The following DR1 variants were observed in gnomAD, a reference collection of about 807,000 sequenced individuals.
The protein encoded by DR1 is protein Dr1.
DR1 carries 7 observed loss-of-function variants against 19.9 expected under a neutral mutation model. The ratio of observed to expected loss-of-function variants is 0.35; its 90% CI spans 0.20 to 0.66. The LOEUF is 0.66. Ranked by LOEUF, DR1 falls within the 30% of genes least tolerant of loss-of-function variation. The pLI, the probability that DR1 is intolerant of heterozygous loss-of-function variation, is 0.66. For synonymous variants in DR1, 76 were observed against 72.5 expected (o/e 1.05, Z -0.24); for missense variants, 98 against 203.7 (o/e 0.48, Z 3.16).
At position 93,353,887 on chromosome 1, in the gene DR1, T is replaced by G. The variant is rs367737731; in HGVS notation, c.221-21T>G. 1.3e-4 allele frequency: 208 copies of G among 1,575,640 alleles called. 1 individual carries two copies. In the South Asian group the frequency reaches 2.3e-3, roughly 17 times the overall value. On this transcript the variant is annotated intron_variant, in intron 1 of 2. Transcript: ENST00000370272. ...CTGTGTTTTATCACCCTTTCATATT[T>G]TAATATTTTCATTTCTCTAGCACTA...
rs780026411 is a variant in DR1 at position 93,363,621 on chromosome 1, C to CT, written c.*2983dup. On this transcript the variant is annotated 3_prime_UTR_variant, in exon 3 of 3. Coordinates refer to ENST00000370272, the MANE Select transcript of DR1 (RefSeq NM_001938.3). ...TCTGTAGTCAGATCTTTCCCTGCCT[C>CT]TAAGTTTAGGGCTCACCTGCATAAA... 2.6e-5 allele frequency: 4 copies of CT among 152,220 alleles called. No homozygotes were observed. The highest frequency in any genetic ancestry group is 4.4e-5 in the Non-Finnish European group (3 of 68,040). The allele number at this position is 152,220 out of a possible 1,614,324, so 9.4% of individuals were successfully genotyped here. A position where few individuals can be genotyped will look rare whatever the true frequency, so the allele number is the denominator to read the frequency against.
chr1:93,354,812 G>T (rs1239458809), intron 2 of DR1, among the ~76,000 whole-genome samples: 1 of 152,110 alleles, frequency 6.6e-6, no homozygotes, highest in Non-Finnish European at 1.5e-5. Context: ...AATCAGTTTG[G>T]TTTACATCAA....
rs758958546 is a variant in DR1 at position 93,346,641 on chromosome 1, G to A, written c.-5G>A. Reference sequence around the variant, plus strand: ...AAGCCGGGGCGCGAGAAACAGGAAGGTACTATGGCTTCCTCGTCTGGCAAC... The same window carrying A: ...AAGCCGGGGCGCGAGAAACAGGAAGATACTATGGCTTCCTCGTCTGGCAAC... On this transcript the variant is annotated 5_prime_UTR_variant, in exon 1 of 3. Coordinates refer to ENST00000370272, the MANE Select transcript of DR1 (RefSeq NM_001938.3). The A allele has an allele frequency of 2.4e-5, 39 of 1,611,564 alleles. No homozygotes were observed. Among genetic ancestry groups the A allele is most frequent in the Non-Finnish European group, 3.1e-5 (36 of 1,178,300 alleles).
chr1:93,349,545 A>G (rs1358858040), intron 1 of DR1, among the ~76,000 whole-genome samples: 1 of 152,106 alleles, frequency 6.6e-6, no homozygotes, highest in Non-Finnish European at 1.5e-5. Flanking sequence ...ATAATACTTG[A>G]TTTCAGGTAT....
At chr1:93,355,164 C>T (rs1570711395) in intron 2 of DR1, 1 of 151,840 alleles carries the variant, frequency 6.6e-6, no homozygotes, top group East Asian at 1.9e-4. Flanking sequence ...AAGATTTTCT[C>T]CTGGATACTT....
rs1406891852 is a variant in DR1 at position 93,368,214 on chromosome 1, G to C, written c.*7575G>C. ...AAAAATAATAGACATACAGTATGCA[G>C]TATTTTGTTTTACTTATGAAACTCC... On this transcript the variant is annotated 3_prime_UTR_variant, in exon 3 of 3. Transcript: ENST00000370272. The C allele has an allele frequency of 1.3e-5, 2 of 152,166 alleles. No individual in the cohort carries two copies. Among genetic ancestry groups the C allele is most frequent in the Non-Finnish European group, 2.9e-5 (2 of 68,032 alleles). 9.4% of individuals were successfully genotyped at this position (152,166 alleles called of 1,614,324 possible). A position where few individuals can be genotyped will look rare whatever the true frequency, so the allele number is the denominator to read the frequency against.
At position 93,351,489 on chromosome 1, in the gene DR1, G is replaced by A. The variant is rs140448739; in HGVS notation, c.221-2419G>A. Among the ~76,000 whole-genome samples the A allele has an allele frequency of 1.1e-3, 159 of 142,398 alleles. 2 individuals are homozygous for A. The highest frequency in any genetic ancestry group is 3.4e-3 in the African/African-American group (127 of 37,534). The allele number at this position is 142,398 out of a possible 152,430, so 93.4% of individuals were successfully genotyped here. A position where few individuals can be genotyped will look rare whatever the true frequency, so the allele number is the denominator to read the frequency against. On this transcript the variant is annotated intron_variant, in intron 1 of 2. Transcript: ENST00000370272. ...CAGAGTCACGCTGTCAGGCTGGAGT[G>A]CAGTGGTGTGACCTCGGCTCTCTAC...
intron 2 of DR1, among the ~76,000 whole-genome samples, chr1:93,359,872 G>A (rs1298133717): frequency 6.6e-6 from 1 of 152,094 alleles, no homozygotes; most frequent in Non-Finnish European, 1.5e-5. Flanking sequence ...ATATTTGTAT[G>A]TGTGTATATG....
chr1:93,353,094 C>T (rs1369401545), intron 1 of DR1, among the ~76,000 whole-genome samples: 2 of 151,976 alleles, frequency 1.3e-5, no homozygotes, highest in Non-Finnish European at 2.9e-5. Context: ...GAGGTCTTGC[C>T]ATGTTGCCCG....
At chr1:93,348,886 G>A (rs377057178) in intron 1 of DR1, among the ~76,000 whole-genome samples, 4 of 151,914 alleles carry the variant, frequency 2.6e-5, no homozygotes, top group East Asian at 3.8e-4. Flanking sequence ...TTCCAAAGAA[G>A]TTTTGTTTTG....
rs752735135 is a variant in DR1, at chr1:93,353,942, T to C, written c.255T>C (p.Ser85=). 2 of 1,611,140 alleles carry C rather than the reference T, an allele frequency of 1.2e-6. No homozygotes were observed. Among genetic ancestry groups the C allele is most frequent in the Non-Finnish European group, 8.5e-7 (1 of 1,178,834 alleles). Residue 85 remains serine, a synonymous_variant, in exon 2 of 3, where the codon AGT becomes AGC. Transcript: ENST00000370272. ...GTTTGGGATTTGGCTCTTACATCAG[T>C]GAAGTAAAAGAAGTCTTGCAAGAGT... ...LESLGFGSYI[S]EVKEVLQECK...
intron 1 of DR1, among the ~76,000 whole-genome samples, chr1:93,350,825 T>C (rs754571845): frequency 3.3e-5 from 5 of 152,170 alleles, no homozygotes; most frequent in Non-Finnish European, 5.9e-5. Flanking sequence ...TAAAAAAATA[T>C]TTTTCTGTTT....
In DR1 at chr1:93,361,508, A is replaced by G. The variant is rs1302468095; in HGVS notation, c.*869A>G. 1.3e-5 allele frequency: 2 copies of G among 152,568 alleles called. No homozygotes were observed. The highest frequency in any genetic ancestry group is 2.9e-5 in the Non-Finnish European group (2 of 67,974). 9.5% of individuals were successfully genotyped at this position (152,568 alleles called of 1,614,324 possible). On this transcript the variant is annotated 3_prime_UTR_variant, in exon 3 of 3. Transcript: ENST00000370272. ...GGTTCTCTTGGTTTAACTGAGGTTT[A>G]TGAATATTCAAACCTTTGCTGGGGG...
In DR1 at chr1:93,364,782, CTTTTTTTT is replaced by C. The variant is rs572090832; in HGVS notation, c.*4151_*4158del. ...GAAAGTAAGGAATAAGAGGAAGAAA[CTTTTTTTT>C]TTTTTTTAAAGAAACAGGGTCTCAC... On this transcript the variant is annotated 3_prime_UTR_variant, in exon 3 of 3. Transcript: ENST00000370272. The C allele has an allele frequency of 7.7e-6, 1 of 130,584 alleles. No individual in the cohort carries two copies. The highest frequency in any genetic ancestry group is 1.7e-5 in the Non-Finnish European group (1 of 59,906). The allele number at this position is 130,584 out of a possible 1,614,324, so 8.1% of individuals were successfully genotyped here. A position where few individuals can be genotyped will look rare whatever the true frequency, so the allele number is the denominator to read the frequency against.
intron 1 of DR1, among the ~76,000 whole-genome samples, chr1:93,351,137 A>C (rs925518772): frequency 2.0e-5 from 3 of 152,190 alleles, no homozygotes; most frequent in Admixed American, 6.5e-5. Flanking sequence ...ATAATGTAAA[A>C]TATCTCTCTA....
intron 2 of DR1, among the ~76,000 whole-genome samples, chr1:93,355,952 G>A (rs927191885): frequency 6.6e-6 from 1 of 152,090 alleles, no homozygotes; most frequent in African/African-American, 2.4e-5. Flanking sequence ...TTTGGAAGGA[G>A]GGAACCTTTA....
rs1667091209 is a variant in DR1, at chr1:93,364,141, C to T, written c.*3502C>T. ...CATAAAAATGAATTACGCTAATGAT[C>T]TTAGTGGGTTGAATTTCTCGAAACA... On this transcript the variant is annotated 3_prime_UTR_variant, in exon 3 of 3. Coordinates refer to ENST00000370272, the MANE Select transcript of DR1 (RefSeq NM_001938.3). The T allele has an allele frequency of 6.6e-6, 1 of 152,140 alleles. No homozygotes were observed. Among genetic ancestry groups the T allele is most frequent in the Non-Finnish European group, 1.5e-5 (1 of 68,022 alleles). 9.4% of individuals were successfully genotyped at this position (152,140 alleles called of 1,614,324 possible).
At chr1:93,355,284 T>C (rs1010229871) in intron 2 of DR1, 7 of 152,200 alleles carry the variant, frequency 4.6e-5, no homozygotes, top group Non-Finnish European at 1.0e-4. Context: ...AAATTGTTTG[T>C]CATTTGTTCT....
rs906829332 is a variant in DR1, at chr1:93,363,261, A to G, written c.*2622A>G. ...CATAGATTAGTTTTGCCTGTTTTTT[A>G]TTTTATGTAAATGTAATCATACATA... On this transcript the variant is annotated 3_prime_UTR_variant, in exon 3 of 3. Coordinates refer to ENST00000370272, the MANE Select transcript of DR1 (RefSeq NM_001938.3). 1 of 152,118 alleles carries G rather than the reference A, an allele frequency of 6.6e-6. No individual in the cohort carries two copies. The highest frequency in any genetic ancestry group is 2.4e-5 in the African/African-American group (1 of 41,430). 9.4% of individuals were successfully genotyped at this position (152,118 alleles called of 1,614,324 possible).
Sources: gnomAD v4.1 joint callset for allele counts (sites outside exome capture counted in the v4.1 genomes callset) on GRCh38, gnomAD v4.1.1 for gene constraint, MANE v1.5 for transcripts, NCBI Gene and HGNC (gene_info 2026-07-23, HGNC 2026-07-21) for gene names.